The following ZNF674 variants were observed in gnomAD, a reference collection of about 807,000 sequenced individuals.
ZNF674 encodes the protein zinc finger family member 674.
Under a neutral mutation model 7.0 loss-of-function variants are expected in ZNF674, and 2 were observed. The ratio of observed to expected loss-of-function variants is 0.29; its 90% CI spans 0.12 to 0.90. The LOEUF is 0.90. Among genes scored for constraint, ZNF674 ranks in the 40% least tolerant of loss-of-function variants. The probability of loss-of-function intolerance (pLI) is 0.57; values close to 1 mark genes in which losing one functional copy is unlikely to be tolerated. For missense variants in ZNF674, 297 were observed against 415.5 expected (o/e 0.71, Z 2.48); for synonymous variants, 103 against 145.2 (o/e 0.71, Z 2.09).
intron 3 of ZNF674, among the ~76,000 whole-genome samples, chrX:46,541,063 TAAA>T (rs775512480): frequency 2.2e-4 from 10 of 45,012 alleles, no homozygotes; most frequent in Admixed American, 1.1e-3. Flanking sequence ...AAACTCCATT[TAAA>T]AAAAAAAAAA....
At chrX:46,502,750 G>A (rs1479435640) in intron 5 of ZNF674, among the ~76,000 whole-genome samples, 1 of 112,135 alleles carries the variant, frequency 8.9e-6, no homozygotes, top group Non-Finnish European at 1.9e-5. Context: ...AAGTTAGAGT[G>A]TGCTCTGTAT....
intron 5 of ZNF674, among the ~76,000 whole-genome samples, chrX:46,505,704 G>C (rs1168409596): frequency 9.0e-6 from 1 of 110,790 alleles, no homozygotes; most frequent in African/African-American, 3.3e-5. Context: ...CTGGGACACA[G>C]AGGTTGTAGT....
At chrX:46,545,235 C>T (rs1443825705) in intron 1 of ZNF674, 136 bp downstream of exon 1, 2 of 111,248 alleles carry the variant, frequency 1.8e-5, no homozygotes, top group East Asian at 5.7e-4. Context: ...CACTCACGCC[C>T]ACCGCCTGTG....
chrX:46,500,833 A>G lies in ZNF674; in HGVS notation c.741T>C (p.Tyr247=), dbSNP rs1233657925. ...HQRTHTGEKP[Y]ECCECAKAFS... ...AGGCTTTTGCACATTCGCAGCATTC[A>G]TAAGGTTTCTCTCCGGTGTGAGTTC... Residue 247 remains tyrosine, a synonymous_variant, in exon 6 of 6, where the codon TAT becomes TAC. Coordinates refer to ENST00000683375, the MANE Select transcript of ZNF674 (RefSeq NM_001190417.2). 8.4e-7 allele frequency: 1 copy of G among 1,188,629 alleles called. No homozygotes were observed. The highest frequency in any genetic ancestry group is 1.8e-5 in the African/African-American group (1 of 55,981).
rs1194015339 is a variant in ZNF674, at chrX:46,499,095, AAC to A, written c.*746_*747del. The A allele has an allele frequency of 8.9e-6, 1 of 111,944 alleles. No homozygotes were observed. Among genetic ancestry groups the A allele is most frequent in the Non-Finnish European group, 1.9e-5 (1 of 53,262 alleles). The allele number at this position is 111,944 out of a possible 1,213,427, so 9.2% of individuals were successfully genotyped here. ...CTACGAGTTCAAGACCAGCCTGGGCAACATAGCAAGACCCTGTCTCTATTAAT... is the reference window on the plus strand; with the variant it reads ...CTACGAGTTCAAGACCAGCCTGGGCAATAGCAAGACCCTGTCTCTATTAAT... On this transcript the variant is annotated 3_prime_UTR_variant, in exon 6 of 6. Transcript: ENST00000683375.
intron 5 of ZNF674, among the ~76,000 whole-genome samples, chrX:46,506,727 C>T (rs1340204658): frequency 8.9e-6 from 1 of 111,873 alleles, no homozygotes; most frequent in Non-Finnish European, 1.9e-5. Context: ...AATCTCAAAA[C>T]TTCATCTCCC....
chrX:46,540,830 G>A (rs765581404), intron 3 of ZNF674, among the ~76,000 whole-genome samples: 29 of 111,007 alleles, frequency 2.6e-4, no homozygotes, highest in Non-Finnish European at 4.9e-4. Flanking sequence ...TTGGGAGGAC[G>A]AGGTGGGTAG....
chrX:46,538,950 C>A (rs779605330), intron 3 of ZNF674, among the ~76,000 whole-genome samples: 1 of 110,487 alleles, frequency 9.1e-6, no homozygotes, highest in Non-Finnish European at 1.9e-5. Flanking sequence ...TTTGGGAGAC[C>A]AAGACAGGTA....
chrX:46,521,916 T>TAGAAA (rs780935598), intron 5 of ZNF674, among the ~76,000 whole-genome samples: 5 of 105,635 alleles, frequency 4.7e-5, no homozygotes, highest in African/African-American at 1.0e-4. Flanking sequence ...TAGAATAGAA[T>TAGAAA]AGAAAAGAAA....
rs147894041 is a variant in ZNF674 at position 46,538,349 on chromosome X, T to A, written c.15+3724A>T. On this transcript the variant is annotated intron_variant, in intron 3 of 5. Transcript: ENST00000683375. ...ATAAGCAATAAAAGAAATCTAGAAG[T>A]CACAAAAGATTGTGAAATTAGACCA... Among the ~76,000 whole-genome samples the A allele has an allele frequency of 3.7e-3, 408 of 111,556 alleles. 3 individuals are homozygous for A. The highest frequency in any genetic ancestry group is 0.013 in the African/African-American group (394 of 30,702).
At chrX:46,543,246 G>A (rs6521118) in intron 2 of ZNF674, among the ~76,000 whole-genome samples, 15,983 of 111,701 alleles carry the variant, frequency 0.14, 2,372 homozygotes, top group African/African-American at 0.45. Flanking sequence ...GAGCCACCGC[G>A]CCTGACCTCA....
At chrX:46,520,139 C>T (rs1040814239) in intron 5 of ZNF674, among the ~76,000 whole-genome samples, 2 of 111,476 alleles carry the variant, frequency 1.8e-5, no homozygotes, top group Admixed American at 9.6e-5. Context: ...TGGTGGCTCG[C>T]GCCTGTAATC....
rs368179569 is a variant in ZNF674, at chrX:46,500,823, C to T, written c.751G>A (p.Glu251Lys). The T allele has an allele frequency of 4.7e-5, 56 of 1,190,032 alleles. No individual in the cohort carries two copies. In the African/African-American group the frequency reaches 6.4e-4, roughly 14 times the overall value. ...HTGEKPYECC[E>K]CAKAFSQKST... ...TTCTGGCTGAAGGCTTTTGCACATTCGCAGCATTCATAAGGTTTCTCTCCG... is the reference window on the plus strand; with the variant it reads ...TTCTGGCTGAAGGCTTTTGCACATTTGCAGCATTCATAAGGTTTCTCTCCG... The change falls in exon 6 of 6, where the codon GAA becomes AAA. Residue 251 changes from glutamate to lysine, a missense_variant. Glu to Lys is a moderately conservative substitution (Grantham distance 56). Coordinates refer to ENST00000683375, the MANE Select transcript of ZNF674 (RefSeq NM_001190417.2).
chrX:46,538,708 ACAGTAAGACTC>A (rs1942242540), intron 3 of ZNF674, among the ~76,000 whole-genome samples: 1 of 111,497 alleles, frequency 9.0e-6, no homozygotes, highest in Non-Finnish European at 1.9e-5. Context: ...CCTGGCCAAC[ACAGTAAGACTC>A]CAGCTCTACA....
chrX:46,534,054 G>A (rs1156763969), intron 3 of ZNF674, among the ~76,000 whole-genome samples: 2 of 107,369 alleles, frequency 1.9e-5, no homozygotes, highest in East Asian at 3.0e-4. Context: ...GGGGAAGCAA[G>A]ACACCTTCTT....
intron 2 of ZNF674, among the ~76,000 whole-genome samples, chrX:46,543,784 C>T (rs895330035): frequency 3.6e-5 from 4 of 112,574 alleles, no homozygotes; most frequent in Admixed American, 9.4e-5. Flanking sequence ...GGTTCAGCTC[C>T]GTGTAGCTTA....
intron 3 of ZNF674, among the ~76,000 whole-genome samples, chrX:46,539,938 G>A (rs1385632725): frequency 8.9e-6 from 1 of 112,394 alleles, no homozygotes; most frequent in Non-Finnish European, 1.9e-5. Flanking sequence ...ACAGGAGTGA[G>A]CAGACAAAGA....
At chrX:46,528,521 T>A (rs1942050450) in intron 4 of ZNF674, 76 bp from the exon 5 acceptor site, 1 of 1,092,795 alleles carries the variant, frequency 9.2e-7, no homozygotes, top group Admixed American at 2.2e-5. Flanking sequence ...CCCTGCAGGC[T>A]GAAGGTGGCA....
intron 3 of ZNF674, among the ~76,000 whole-genome samples, chrX:46,535,202 A>G (rs1942180946): frequency 1.8e-5 from 2 of 111,180 alleles, no homozygotes; most frequent in Non-Finnish European, 3.8e-5. Flanking sequence ...GCTGGAATGC[A>G]GTGGCATGCT....
Sources: gnomAD v4.1 joint callset for allele counts (sites outside exome capture counted in the v4.1 genomes callset) on GRCh38, gnomAD v4.1.1 for gene constraint, MANE v1.5 for transcripts, NCBI Gene and HGNC (gene_info 2026-07-23, HGNC 2026-07-21) for gene names.